SPRY3: variants seen among roughly 807,000 people sequenced by gnomAD.
The protein encoded by SPRY3 is protein sprouty homolog 3.
Under a neutral mutation model 20.2 loss-of-function variants are expected in SPRY3, and 15 were observed. The ratio of observed to expected loss-of-function variants is 0.74; its 90% CI spans 0.50 to 1.14. SPRY3 has a LOEUF of 1.14. SPRY3 is among the 50% of genes most tolerant of loss of function. The pLI is 0.00. For synonymous variants in SPRY3, 143 were observed against 136.5 expected, an observed-to-expected ratio of 1.05 and a Z score of -0.33; for missense variants, 364 against 363.9, an observed-to-expected ratio of 1.00 and a Z score of 0.00.
intron 1 of SPRY3, among the ~76,000 whole-genome samples, chrX:155,627,309 C>T (rs1017867091): frequency 4.5e-5 from 5 of 111,967 alleles, no homozygotes; most frequent in African/African-American, 1.3e-4. Flanking sequence ...GGATTTCACA[C>T]GCATGAGATC....
intron 2 of SPRY3, among the ~76,000 whole-genome samples, chrX:155,745,199 A>C (rs897948752): frequency 6.6e-6 from 1 of 152,064 alleles, no homozygotes; most frequent in African/African-American, 2.4e-5. Flanking sequence ...TTAAATTAAA[A>C]ATAGGCAACT....
At chrX:155,712,872 C>T (rs1249655424) in intron 2 of SPRY3, among the ~76,000 whole-genome samples, 1 of 151,724 alleles carries the variant, frequency 6.6e-6, no homozygotes, top group Non-Finnish European at 1.5e-5. Flanking sequence ...ACCATGAGGC[C>T]TGCAGATACT....
chrX:155,705,314 T>C (rs998078581), intron 2 of SPRY3, among the ~76,000 whole-genome samples: 26 of 151,472 alleles, frequency 1.7e-4, no homozygotes, highest in African/African-American at 6.0e-4. Context: ...GCTGGTAGAC[T>C]GTGATTTTTT....
intron 2 of SPRY3, among the ~76,000 whole-genome samples, chrX:155,766,105 G>A: frequency 6.6e-6 from 1 of 152,134 alleles, no homozygotes; most frequent in East Asian, 1.9e-4. Context: ...AAGAGAGCTG[G>A]ATTTGTTTAG....
At chrX:155,773,804 G>T in exon 4 of SPRY3, 1 of 1,536,646 alleles carries the variant, frequency 6.5e-7, no homozygotes, top group Non-Finnish European at 8.8e-7. Flanking sequence ...TAACTACAAG[G>T]GCTCCTCTTT....
chrX:155,697,847 T>C (rs760112242), intron 2 of SPRY3, among the ~76,000 whole-genome samples: 25 of 110,667 alleles, frequency 2.3e-4, no homozygotes, highest in Non-Finnish European at 4.2e-4. Flanking sequence ...TGATACTATT[T>C]GTATCAGTTA....
At chrX:155,675,291 T>C (rs1473924214) in intron 2 of SPRY3, among the ~76,000 whole-genome samples, 2 of 110,973 alleles carry the variant, frequency 1.8e-5, no homozygotes, top group Non-Finnish European at 3.8e-5. Flanking sequence ...TACACAAATA[T>C]AATTTGTGGG....
At chrX:155,668,569 G>A (rs1473094782) in intron 2 of SPRY3, among the ~76,000 whole-genome samples, 3 of 110,320 alleles carry the variant, frequency 2.7e-5, no homozygotes, top group African/African-American at 9.8e-5. Flanking sequence ...GCACTTTTAT[G>A]TACTTATATC....
chrX:155,766,624 A>G (rs1287165401), intron 2 of SPRY3, among the ~76,000 whole-genome samples: 2 of 152,174 alleles, frequency 1.3e-5, no homozygotes, highest in South Asian at 2.1e-4. Context: ...CTGTCATCCA[A>G]GTTCTTCTGT....
At chrX:155,741,297 A>G (rs2091203371) in intron 2 of SPRY3, among the ~76,000 whole-genome samples, 1 of 152,162 alleles carries the variant, frequency 6.6e-6, no homozygotes. Context: ...TGGACAAGAA[A>G]AGAGAAAAAA....
intron 2 of SPRY3, among the ~76,000 whole-genome samples, chrX:155,708,771 T>A (rs1385999506): frequency 6.6e-6 from 1 of 151,470 alleles, no homozygotes; most frequent in East Asian, 1.9e-4. Context: ...TTTTAGTTAT[T>A]TTAAAATGTA....
chrX:155,736,151 T>C (rs1412372368), intron 2 of SPRY3, among the ~76,000 whole-genome samples: 1 of 152,008 alleles, frequency 6.6e-6, no homozygotes, highest in Non-Finnish European at 1.5e-5. Context: ...ATTTCACTTA[T>C]TCATAAGCGA....
chrX:155,774,558 C>G (rs764850441), exon 4 of SPRY3: 1 of 1,613,868 alleles, frequency 6.2e-7, no homozygotes, highest in African/African-American at 1.3e-5. Context: ...GCCTCATCTC[C>G]CTCTTCCTAC....
At chrX:155,622,465 C>T (rs1417499554) in intron 1 of SPRY3, among the ~76,000 whole-genome samples, 5 of 111,547 alleles carry the variant, frequency 4.5e-5, no homozygotes, top group Non-Finnish European at 9.4e-5. Flanking sequence ...ACAGCCAACC[C>T]CACCTTCATT....
At position 155,710,899 on chromosome X, in the gene SPRY3, C is replaced by G. The variant is rs770539292; in HGVS notation, c.-282+53874C>G. On this transcript the variant is annotated intron_variant, in intron 2 of 3. Coordinates refer to ENST00000675360, the Ensembl canonical transcript of SPRY3. ...TGAAGGGATGTTGAATTTATCAAAT[C>G]TTTATTAAGCGTTTATTTTAATGAT... Among the ~76,000 whole-genome samples the G allele has an allele frequency of 9.9e-5, 15 of 151,440 alleles. No homozygotes were observed. In the East Asian group the frequency reaches 2.3e-3, roughly 23 times the overall value.
At chrX:155,665,312 A>G (rs2068021351) in intron 2 of SPRY3, among the ~76,000 whole-genome samples, 1 of 111,317 alleles carries the variant, frequency 9.0e-6, no homozygotes, top group East Asian at 2.8e-4. Flanking sequence ...AGAATTTAGC[A>G]ATATCTAATA....
At chrX:155,780,983 T>C (rs961841869), downstream of SPRY3, 3 of 166,330 alleles carry the variant, frequency 1.8e-5, no homozygotes, top group Non-Finnish European at 4.4e-5. Flanking sequence ...AACTCTATTT[T>C]GTCCTTGACT....
intron 2 of SPRY3, among the ~76,000 whole-genome samples, chrX:155,723,054 T>C (rs1393556463): frequency 6.6e-6 from 1 of 152,078 alleles, no homozygotes; most frequent in African/African-American, 2.4e-5. Flanking sequence ...ATCCTTGTGA[T>C]ACTTTGCTCA....
At chrX:155,761,107 A>T (rs2091302393) in intron 2 of SPRY3, among the ~76,000 whole-genome samples, 1 of 152,048 alleles carries the variant, frequency 6.6e-6, no homozygotes, top group Admixed American at 6.6e-5. Flanking sequence ...CAACATACTG[A>T]GATTTGACAT....
Sources: gnomAD v4.1 joint callset for allele counts (sites outside exome capture counted in the v4.1 genomes callset) on GRCh38, gnomAD v4.1.1 for gene constraint, MANE v1.5 for transcripts, NCBI Gene and HGNC (gene_info 2026-07-23, HGNC 2026-07-21) for gene names.